TMED10: variants seen among roughly 807,000 people sequenced by gnomAD.
The protein encoded by TMED10 is transmembrane p24 trafficking protein 10.
In TMED10, 7 loss-of-function variants were observed where a neutral mutation model predicts 23.1. The ratio of observed to expected loss-of-function variants is 0.30; its 90% CI spans 0.17 to 0.57. The LOEUF (loss-of-function observed/expected upper bound fraction) is 0.57, where lower values mean the gene tolerates loss of function less well. Ranked by LOEUF, TMED10 falls within the 20% of genes least tolerant of loss-of-function variation. The pLI is 0.91. For synonymous variants in TMED10, 113 were observed against 106.9 expected (o/e 1.06, Z -0.35); for missense variants, 162 against 274.8 (o/e 0.59, Z 2.90).
At chr14:75,145,326 A>G (rs1173919863) in intron 3 of TMED10, among the ~76,000 whole-genome samples, 1 of 152,174 alleles carries the variant, frequency 6.6e-6, no homozygotes, top group African/African-American at 2.4e-5. Flanking sequence ...TAATGTCTAT[A>G]AAGTCCAAGG....
intron 1 of TMED10, among the ~76,000 whole-genome samples, chr14:75,152,989 G>A (rs565653294): frequency 6.6e-6 from 1 of 152,334 alleles, no homozygotes; most frequent in African/African-American, 2.4e-5. Flanking sequence ...GGGCGCAGTG[G>A]CATATGCCTG....
Sources: allele counts gnomAD v4.1 joint callset (sites outside exome capture counted in the v4.1 genomes callset), GRCh38; gene constraint gnomAD v4.1.1; transcripts MANE v1.5; gene names NCBI Gene and HGNC (gene_info 2026-07-23, HGNC 2026-07-21).